The following TNFRSF19 variants were observed in gnomAD, a reference collection of about 807,000 sequenced individuals.
TNFRSF19 encodes tumor necrosis factor receptor superfamily member 19.
TNFRSF19 carries 27 observed loss-of-function variants against 46.4 expected under a neutral mutation model. The observed-to-expected ratio is 0.58, with a 90% CI of 0.43 to 0.80. The LOEUF is 0.80. Ranked by LOEUF, TNFRSF19 falls within the 30% of genes least tolerant of loss-of-function variation. The pLI is 0.00. For missense variants in TNFRSF19, 511 were observed against 530.8 expected, an observed-to-expected ratio of 0.96 and a Z score of 0.37; for synonymous variants, 204 against 205.0, an observed-to-expected ratio of 1.00 and a Z score of 0.04.
At chr13:23,613,543 C>T (rs1204371572) in intron 3 of TNFRSF19, among the ~76,000 whole-genome samples, 4 of 152,142 alleles carry the variant, frequency 2.6e-5, no homozygotes, top group African/African-American at 4.8e-5. Context: ...TGTACTTCTC[C>T]TCCTTCTTCT....
intron 9 of TNFRSF19, 54 bp downstream of exon 9, chr13:23,669,151 G>A: frequency 4.5e-6 from 7 of 1,560,806 alleles, no homozygotes; most frequent in Non-Finnish European, 6.0e-6. Flanking sequence ...CAGTAGATCA[G>A]AACTCTGTTC....
At chr13:23,636,449 C>T (rs1384861560) in intron 5 of TNFRSF19, among the ~76,000 whole-genome samples, 2 of 152,120 alleles carry the variant, frequency 1.3e-5, no homozygotes, top group African/African-American at 4.8e-5. Flanking sequence ...TGTGAATGAT[C>T]TCCTCGTCTT....
At chr13:23,583,058 T>A (rs1022247425) in intron 1 of TNFRSF19, among the ~76,000 whole-genome samples, 1 of 152,246 alleles carries the variant, frequency 6.6e-6, no homozygotes, top group Non-Finnish European at 1.5e-5. Flanking sequence ...AAGTTTACTT[T>A]CCAAAATATT....
chr13:23,584,875 T>C (rs950421826), intron 1 of TNFRSF19, among the ~76,000 whole-genome samples: 1 of 152,226 alleles, frequency 6.6e-6, no homozygotes, highest in Non-Finnish European at 1.5e-5. Flanking sequence ...GTAAGAAGAA[T>C]GATTTTCAGA....
Position 23,581,130 on chromosome 13 carries a change from T to TC in TNFRSF19, c.-34-9020_-34-9019insC, listed in dbSNP as rs34142422. ...TCGATGTGCCTTTTCTTTTTTTCTT[T>TC]TCTTTTTTTTTTTTTGAAACGGAGT... On this transcript the variant is annotated intron_variant, in intron 1 of 9. Transcript: ENST00000248484. 2.5e-4 allele frequency among the ~76,000 whole-genome samples: 31 copies of TC among 123,350 alleles called. 1 individual carries two copies. Among genetic ancestry groups the TC allele is most frequent in the East Asian group, 3.3e-4 (1 of 2,998 alleles). 80.9% of individuals were successfully genotyped at this position (123,350 alleles called of 152,430 possible).
At chr13:23,649,912 G>T (rs1013710096) in intron 5 of TNFRSF19, among the ~76,000 whole-genome samples, 1 of 152,074 alleles carries the variant, frequency 6.6e-6, no homozygotes, top group Non-Finnish European at 1.5e-5. Context: ...GATTGGAAAA[G>T]CTACTTTGTA....
In TNFRSF19 at chr13:23,603,916, G is replaced by A. The variant is rs75640005; in HGVS notation, c.180+10461G>A. Among the ~76,000 whole-genome samples the A allele has an allele frequency of 9.5e-3, 1,446 of 152,038 alleles. 14 individuals carry two copies. Among genetic ancestry groups the A allele is most frequent in the Middle Eastern group, 0.02 (6 of 294 alleles). ...TCATACTTAATGATGGAAACTAGAA[G>A]CTTTCCACTAAGATCAGGAACAAGG... On this transcript the variant is annotated intron_variant, in intron 3 of 9. Coordinates refer to ENST00000248484, the MANE Select transcript of TNFRSF19 (RefSeq NM_148957.4).
chr13:23,612,010 A>ATACC (rs1880940968), intron 3 of TNFRSF19, among the ~76,000 whole-genome samples: 1 of 152,226 alleles, frequency 6.6e-6, no homozygotes, highest in Non-Finnish European at 1.5e-5. Flanking sequence ...GGTCACCCCA[A>ATACC]TACCTGTGTT....
At chr13:23,665,497 C>T (rs945913825) in intron 7 of TNFRSF19, among the ~76,000 whole-genome samples, 1 of 152,006 alleles carries the variant, frequency 6.6e-6, no homozygotes, top group African/African-American at 2.4e-5. Flanking sequence ...GACATAATTT[C>T]AGAAATCAGT....
At chr13:23,662,119 G>A (rs915111264) in intron 7 of TNFRSF19, among the ~76,000 whole-genome samples, 1 of 152,150 alleles carries the variant, frequency 6.6e-6, no homozygotes, top group Non-Finnish European at 1.5e-5. Context: ...CCATTCCTAT[G>A]TCCAGGATGG....
intron 1 of TNFRSF19, among the ~76,000 whole-genome samples, chr13:23,579,095 T>C (rs1593225390): frequency 6.6e-6 from 1 of 152,158 alleles, no homozygotes; most frequent in South Asian, 2.1e-4. Flanking sequence ...TGAAGGAAAG[T>C]TTCCCAACAC....
intron 5 of TNFRSF19, among the ~76,000 whole-genome samples, chr13:23,633,774 G>A (rs1326132956): frequency 1.3e-5 from 2 of 152,310 alleles, no homozygotes; most frequent in African/African-American, 2.4e-5. Flanking sequence ...ACTTGAACGC[G>A]GGAGGCGGAG....
chr13:23,660,293 A>G, intron 6 of TNFRSF19, 72 bp from the exon 7 acceptor site: 11 of 1,444,062 alleles, frequency 7.6e-6, no homozygotes, highest in Non-Finnish European at 9.3e-7. Flanking sequence ...TTAAAAATAC[A>G]AAAGCTAGAA....
At chr13:23,571,696 C>G (rs1207031860) in intron 1 of TNFRSF19, among the ~76,000 whole-genome samples, 3 of 151,952 alleles carry the variant, frequency 2.0e-5, no homozygotes, top group African/African-American at 7.2e-5. Context: ...TAGCTAATGC[C>G]CAACATGACA....
intron 1 of TNFRSF19, among the ~76,000 whole-genome samples, chr13:23,586,271 A>AG (rs1878829950): frequency 6.6e-6 from 1 of 151,810 alleles, no homozygotes; most frequent in South Asian, 2.1e-4. Flanking sequence ...AAAAAAAAAA[A>AG]AAAAAGAAAA....
chr13:23,641,746 T>C lies in TNFRSF19; in HGVS notation c.445+14954T>C, dbSNP rs1566205837. Reference sequence around the variant, plus strand: ...GATGTTACCAATGAAGAAATCATTTTGATGAAGTCCTTTGAGATACTTAGA... The same window carrying C: ...GATGTTACCAATGAAGAAATCATTTCGATGAAGTCCTTTGAGATACTTAGA... On this transcript the variant is annotated intron_variant, in intron 5 of 9. Transcript: ENST00000248484. Among the ~76,000 whole-genome samples the C allele has an allele frequency of 3.3e-5, 5 of 152,270 alleles. No homozygotes were observed. In the South Asian group the frequency reaches 1.0e-3, roughly 31 times the overall value.
intron 3 of TNFRSF19, among the ~76,000 whole-genome samples, chr13:23,607,136 T>G (rs1463893842): frequency 6.6e-6 from 1 of 152,128 alleles, no homozygotes; most frequent in East Asian, 1.9e-4. Context: ...GCTTGAGATA[T>G]TAAATGTATA....
intron 5 of TNFRSF19, among the ~76,000 whole-genome samples, chr13:23,639,831 G>T (rs1261882532): frequency 6.6e-6 from 1 of 152,186 alleles, no homozygotes; most frequent in African/African-American, 2.4e-5. Context: ...GCTGCACATG[G>T]CTGGATTTGA....
intron 5 of TNFRSF19, among the ~76,000 whole-genome samples, chr13:23,635,567 C>T (rs771156779): frequency 6.6e-5 from 10 of 151,884 alleles, no homozygotes; most frequent in African/African-American, 2.2e-4. Flanking sequence ...TTAGTAGAGA[C>T]GGGGTTTCAC....
Sources: allele counts gnomAD v4.1 joint callset (sites outside exome capture counted in the v4.1 genomes callset), GRCh38; gene constraint gnomAD v4.1.1; transcripts MANE v1.5; gene names NCBI Gene and HGNC (gene_info 2026-07-23, HGNC 2026-07-21).